RREB1: variants seen among roughly 807,000 people sequenced by gnomAD.
RREB1 encodes the protein ras-responsive element-binding protein 1.
A neutral mutation model predicts 117.8 loss-of-function variants in RREB1; 27 were observed. The ratio of observed to expected loss-of-function variants is 0.23; its 90% CI spans 0.17 to 0.32. RREB1 has a LOEUF of 0.32. Ranked by LOEUF, RREB1 falls within the 10% of genes least tolerant of loss-of-function variation. The pLI, the probability that RREB1 is intolerant of heterozygous loss-of-function variation, is 1.00. For missense variants in RREB1, 2,577 were observed against 2,378.2 expected (o/e 1.08, Z -1.74); for synonymous variants, 1,298 against 1,026.7 (o/e 1.26, Z -5.05).
At chr6:7,200,242 A>ATG (rs762239284) in intron 6 of RREB1, among the ~76,000 whole-genome samples, 41 of 104,444 alleles carry the variant, frequency 3.9e-4, no homozygotes, top group African/African-American at 1.2e-3. Flanking sequence ...GTATGTGTGT[A>ATG]TATGTGTGTG....
intron 1 of RREB1, among the ~76,000 whole-genome samples, chr6:7,139,086 T>C (rs914948617): frequency 6.6e-6 from 1 of 152,190 alleles, no homozygotes; most frequent in African/African-American, 2.4e-5. Flanking sequence ...AGGCCCAGAA[T>C]TGCTTGGCTG....
chr6:7,132,048 C>T lies in RREB1; in HGVS notation c.-285+23988C>T, dbSNP rs527918715. The stretch of plus-strand genomic sequence containing the variant: ...TAGTTTTTGTATTTTTAGTAAAGAT[C>T]GGGTTTTTTTGGTTTGTTTGTTTGA... On this transcript the variant is annotated intron_variant, in intron 1 of 12. Transcript: ENST00000379938. 3.4e-4 allele frequency among the ~76,000 whole-genome samples: 51 copies of T among 151,890 alleles called. No homozygotes were observed. In the South Asian group the frequency reaches 7.7e-3, roughly 23 times the overall value.
chr6:7,239,347 T>TA (rs1415635049), intron 10 of RREB1, among the ~76,000 whole-genome samples: 4 of 152,222 alleles, frequency 2.6e-5, no homozygotes, highest in Non-Finnish European at 5.9e-5. Flanking sequence ...AATTCAGTGA[T>TA]ACACAAGTGA....
chr6:7,187,645 A>C, intron 5 of RREB1, 122 bp downstream of exon 5: 1 of 392,920 alleles, frequency 2.5e-6, no homozygotes, highest in Non-Finnish European at 4.1e-6. Context: ...TTAAACACTC[A>C]CTGTGAGCAA....
At position 7,230,113 on chromosome 6, in the gene RREB1, C is replaced by G. The variant is rs980795135; in HGVS notation, c.2014C>G (p.Gln672Glu). Residue 672 changes from glutamine to glutamate, a missense_variant, in exon 10 of 13, where the codon CAG becomes GAG. By Grantham distance (29) the Gln-to-Glu change is conservative. Coordinates refer to ENST00000379938, the MANE Select transcript of RREB1 (RefSeq NM_001003699.4). ...VRSHLGISPY[Q>E]CNICDYIAAD... ...CTCCCACCTGGGCATCTCGCCATAC[C>G]AGTGCAACATCTGCGACTACATCGC... 6 of 1,603,664 alleles carry G rather than the reference C, an allele frequency of 3.7e-6. No homozygotes were observed. In the African/African-American group the frequency reaches 8.0e-5, roughly 21 times the overall value.
intron 1 of RREB1, among the ~76,000 whole-genome samples, chr6:7,133,744 C>A (rs1373461843): frequency 2.0e-5 from 3 of 151,588 alleles, no homozygotes; most frequent in Admixed American, 6.6e-5. Context: ...ATAAATGAAC[C>A]CAAAGGAAAA....
At chr6:7,170,060 T>G (rs74561874) in intron 1 of RREB1, among the ~76,000 whole-genome samples, 2,687 of 152,304 alleles carry the variant, frequency 0.018, 91 homozygotes, top group African/African-American at 0.062. Context: ...CCCCCACACT[T>G]TACAAAATAT....
chr6:7,247,091 C>T lies in RREB1; in HGVS notation c.4641C>T (p.Asp1547=), dbSNP rs142367796. The T allele has an allele frequency of 4.3e-6, 7 of 1,613,634 alleles. No individual in the cohort carries two copies. The highest frequency in any genetic ancestry group is 5.9e-6 in the Non-Finnish European group (7 of 1,179,968). ...GGTCCTCAGAGAAGAGCGACGATGA[C>T]AAGAAACCAAAGACAGACTCCCCCA... ...EKRSSEKSDD[D]KKPKTDSPKS... is the part of the protein sequence containing the mutation. The change falls in exon 12 of 13, where the codon GAC becomes GAT. Residue 1547 remains aspartate, a synonymous_variant. Coordinates refer to ENST00000379938, the MANE Select transcript of RREB1 (RefSeq NM_001003699.4).
chr6:7,110,479 G>GGTGTGTGTGTGTGTGT (rs111267508), intron 1 of RREB1, among the ~76,000 whole-genome samples: 3,489 of 149,572 alleles, frequency 0.023, 53 homozygotes, highest in Non-Finnish European at 0.031. Flanking sequence ...TTTTAGGGGT[G>GGTGTGTGTGTGTGTGT]GTGTGTGTGT....
chr6:7,233,730 T>C (rs1768136195), intron 10 of RREB1, among the ~76,000 whole-genome samples: 1 of 152,150 alleles, frequency 6.6e-6, no homozygotes, highest in African/African-American at 2.4e-5. Context: ...GGAATTGGTG[T>C]GAGCTGTGCT....
chr6:7,248,214 C>T (rs1049371006), intron 12 of RREB1, among the ~76,000 whole-genome samples: 2 of 152,240 alleles, frequency 1.3e-5, no homozygotes, highest in Non-Finnish European at 2.9e-5. Context: ...TGGTCGAGGC[C>T]AGTCTGCACA....
chr6:7,196,206 GTTTTTTTTTTCGT>G (rs1425290977), intron 6 of RREB1, among the ~76,000 whole-genome samples: 415 of 129,768 alleles, frequency 3.2e-3, no homozygotes, highest in African/African-American at 8.8e-3. Flanking sequence ...TTGTTTTTTG[GTTTTTTTTTTCGT>G]TTTTTTTTTT....
chr6:7,125,376 G>A (rs1761862315), intron 1 of RREB1, among the ~76,000 whole-genome samples: 1 of 152,162 alleles, frequency 6.6e-6, no homozygotes, highest in Admixed American at 6.5e-5. Context: ...TTGCGTGGTG[G>A]GAAATGTCCC....
chr6:7,135,721 G>T (rs546079291), intron 1 of RREB1, among the ~76,000 whole-genome samples: 1 of 152,256 alleles, frequency 6.6e-6, no homozygotes, highest in South Asian at 2.1e-4. Context: ...AGTTTTATGT[G>T]CCATCTGTAT....
intron 6 of RREB1, among the ~76,000 whole-genome samples, chr6:7,192,379 G>C (rs1320627518): frequency 1.3e-5 from 2 of 151,908 alleles, no homozygotes; most frequent in Non-Finnish European, 2.9e-5. Flanking sequence ...TGTTAGTAGA[G>C]ATGGGGTTTT....
At chr6:7,187,839 T>C (rs1765166803) in intron 5 of RREB1, among the ~76,000 whole-genome samples, 1 of 152,228 alleles carries the variant, frequency 6.6e-6, no homozygotes, top group African/African-American at 2.4e-5. Context: ...CATATTCCTG[T>C]GACAAAGTCT....
intron 8 of RREB1, among the ~76,000 whole-genome samples, chr6:7,222,561 T>C (rs545438953): frequency 6.6e-6 from 1 of 152,250 alleles, no homozygotes; most frequent in African/African-American, 2.4e-5. Flanking sequence ...CATGCCTTCA[T>C]CACCTACTAC....
intron 9 of RREB1, 75 bp from the exon 10 acceptor site, chr6:7,228,922 G>A (rs950861105): frequency 1.5e-6 from 2 of 1,312,736 alleles, no homozygotes; most frequent in African/African-American, 3.0e-5. Flanking sequence ...CAAATACTTT[G>A]TGCATCTCCG....
intron 8 of RREB1, chr6:7,214,333 G>C (rs968003480): frequency 1.3e-5 from 2 of 152,208 alleles, no homozygotes; most frequent in Non-Finnish European, 2.9e-5. Flanking sequence ...ACCTGACAGG[G>C]ACTTGGCCCC....
Sources: gnomAD v4.1 joint callset for allele counts (sites outside exome capture counted in the v4.1 genomes callset) on GRCh38, gnomAD v4.1.1 for gene constraint, MANE v1.5 for transcripts, NCBI Gene and HGNC (gene_info 2026-07-23, HGNC 2026-07-21) for gene names.